The following LRPPRC variants were observed in gnomAD, a reference collection of about 807,000 sequenced individuals.
LRPPRC encodes leucine rich pentatricopeptide repeat containing.
In LRPPRC, 120 loss-of-function variants were observed where a neutral mutation model predicts 180.3. The ratio of observed to expected loss-of-function variants is 0.67; its 90% CI spans 0.57 to 0.77. The LOEUF is 0.77. Among genes scored for constraint, LRPPRC ranks in the 30% least tolerant of loss-of-function variants. The pLI is 0.00. For synonymous variants in LRPPRC, 723 were observed against 600.0 expected (o/e 1.21, Z -3.00); for missense variants, 2,012 against 1,657.2 (o/e 1.21, Z -3.72).
intron 2 of LRPPRC, 38 bp downstream of exon 2, chr2:43,982,200 C>T: frequency 1.4e-6 from 2 of 1,477,480 alleles, no homozygotes; most frequent in Non-Finnish European, 1.8e-6. Flanking sequence ...CTGTGACCAG[C>T]CAAAAGTCAA....
chr2:43,888,503 A>G lies in LRPPRC; in HGVS notation c.*97T>C, dbSNP rs1670351197. Reference sequence around the variant, plus strand: ...GCATCACACATACATAAGTACATAAAGAAAATTTTCATTTATTTTTCCCTC... The same window carrying G: ...GCATCACACATACATAAGTACATAAGGAAAATTTTCATTTATTTTTCCCTC... On this transcript the variant is annotated 3_prime_UTR_variant, in exon 38 of 38. Coordinates refer to ENST00000260665, the MANE Select transcript of LRPPRC (RefSeq NM_133259.4). 1.3e-6 allele frequency: 1 copy of G among 794,190 alleles called. No homozygotes were observed. Among genetic ancestry groups the G allele is most frequent in the Admixed American group, 1.9e-5 (1 of 51,990 alleles). The allele number at this position is 794,190 out of a possible 1,614,324, so 49.2% of individuals were successfully genotyped here. A position where few individuals can be genotyped will look rare whatever the true frequency, so the allele number is the denominator to read the frequency against.
At chr2:43,987,702 TTA>T (rs748993178) in intron 1 of LRPPRC, among the ~76,000 whole-genome samples, 4 of 152,110 alleles carry the variant, frequency 2.6e-5, no homozygotes, top group Non-Finnish European at 5.9e-5. Flanking sequence ...CAACAAATCT[TTA>T]GTTTCTCAGG....
At chr2:43,939,054 C>T (rs374377320) in intron 23 of LRPPRC, among the ~76,000 whole-genome samples, 8 of 151,160 alleles carry the variant, frequency 5.3e-5, no homozygotes, top group South Asian at 2.1e-4. Flanking sequence ...GGGTGGATCA[C>T]GCGGTCAGGA....
intron 27 of LRPPRC, among the ~76,000 whole-genome samples, chr2:43,918,846 TAGAG>T (rs560873120): frequency 1.4e-5 from 2 of 147,730 alleles, no homozygotes; most frequent in African/African-American, 5.0e-5. Flanking sequence ...TCTCTATATA[TAGAG>T]ATATATATAT....
rs543551601 is a variant in LRPPRC, at chr2:43,969,195, A to G, written c.1369+4412T>C. ...TGGGAGGCCGAGGCGGGTGGATCAC[A>G]AGGTCAGGAGATCGAGACCATTCTG... On this transcript the variant is annotated intron_variant, in intron 11 of 37. Transcript: ENST00000260665. 3.2e-4 allele frequency among the ~76,000 whole-genome samples: 49 copies of G among 152,186 alleles called. 1 individual carries two copies. The South Asian group carries it at 0.01, about 32-fold the overall frequency.
At position 43,911,242 on chromosome 2, in the gene LRPPRC, C is replaced by T. The variant is rs546651458; in HGVS notation, c.3275+1190G>A. On this transcript the variant is annotated intron_variant, in intron 30 of 37. Transcript: ENST00000260665. ...CATTAAAAACCCAACAGTCCTAGTG[C>T]GACTCTTGTATCAAGACATACAAAT... Among the ~76,000 whole-genome samples the T allele has an allele frequency of 4.0e-5, 6 of 151,626 alleles. No individual in the cohort carries two copies. In the East Asian group the frequency reaches 9.6e-4, roughly 24 times the overall value.
intron 1 of LRPPRC, among the ~76,000 whole-genome samples, chr2:43,994,865 C>G (rs1387425563): frequency 6.6e-6 from 1 of 151,880 alleles, no homozygotes; most frequent in Non-Finnish European, 1.5e-5. Flanking sequence ...ATTTATTCGC[C>G]TATCTGACAC....
intron 30 of LRPPRC, among the ~76,000 whole-genome samples, chr2:43,911,700 T>C (rs1438807293): frequency 6.6e-6 from 1 of 151,940 alleles, no homozygotes; most frequent in African/African-American, 2.4e-5. Flanking sequence ...CTAATGTTTG[T>C]ATTTTTAGTA....
In LRPPRC at chr2:43,896,668, A is replaced by G; in HGVS notation, c.3866T>C (p.Leu1289Ser). 1.2e-6 allele frequency: 2 copies of G among 1,612,886 alleles called. No individual in the cohort carries two copies. Among genetic ancestry groups the G allele is most frequent in the Non-Finnish European group, 1.7e-6 (2 of 1,178,898 alleles). ...TTTCCTAGAATTCCTAAGGAGGAACAACAACAAAATCGGGGTTTGTTCAGC... is the reference window on the plus strand; with the variant it reads ...TTTCCTAGAATTCCTAAGGAGGAACGACAACAAAATCGGGGTTTGTTCAGC... ...AIAEQTPILL[L>S]FLLRNSRKQG... The change falls in exon 35 of 38, where the codon TTG becomes TCG. Residue 1289 changes from leucine to serine, a missense_variant. Leu to Ser is a moderately radical substitution (Grantham distance 145, BLOSUM62 -2). Coordinates refer to ENST00000260665, the MANE Select transcript of LRPPRC (RefSeq NM_133259.4).
At chr2:43,955,618 T>C (rs141370919) in intron 14 of LRPPRC, among the ~76,000 whole-genome samples, 278 of 152,014 alleles carry the variant, frequency 1.8e-3, no homozygotes, top group African/African-American at 6.6e-3. Context: ...CATGCGCCCA[T>C]AGTCCCAGCT....
rs1671989010 is a variant in LRPPRC, at chr2:43,929,033, A to T, written c.2737-3072T>A. On this transcript the variant is annotated intron_variant, in intron 25 of 37. Transcript: ENST00000260665. ...AGTAAGCTACAACAAGAAAATGTTAAGGAAATTGTAAGAAAGAGAAAATAC... is the reference window on the plus strand; with the variant it reads ...AGTAAGCTACAACAAGAAAATGTTATGGAAATTGTAAGAAAGAGAAAATAC... Among the ~76,000 whole-genome samples the T allele has an allele frequency of 2.0e-5, 3 of 152,350 alleles. No homozygotes were observed. In the South Asian group the frequency reaches 6.2e-4, roughly 32 times the overall value.
At chr2:43,988,192 G>C (rs1674612565) in intron 1 of LRPPRC, among the ~76,000 whole-genome samples, 1 of 138,478 alleles carries the variant, frequency 7.2e-6, no homozygotes, top group Non-Finnish European at 1.5e-5. Flanking sequence ...AGTGAGCCAA[G>C]ATCGCCCCAC....
intron 23 of LRPPRC, among the ~76,000 whole-genome samples, chr2:43,940,606 G>C (rs559862462): frequency 1.1e-4 from 16 of 152,220 alleles, no homozygotes; most frequent in African/African-American, 3.9e-4. Flanking sequence ...AAGCTGCTTT[G>C]ATCACTTGCA....
At position 43,979,705 on chromosome 2, in the gene LRPPRC, T is replaced by C; in HGVS notation, c.469+121A>G. 5 of 795,730 alleles carry C rather than the reference T, an allele frequency of 6.3e-6. 1 individual carries two copies. Among genetic ancestry groups the C allele is most frequent in the Admixed American group, 4.7e-5 (2 of 42,242 alleles). 49.3% of individuals were successfully genotyped at this position (795,730 alleles called of 1,614,324 possible). A position where few individuals can be genotyped will look rare whatever the true frequency, so the allele number is the denominator to read the frequency against. ...TCACCAAATAAATATTATCAAAAAATTATGAATCAAGTAGCCCTTCCATAA... is the reference window on the plus strand; with the variant it reads ...TCACCAAATAAATATTATCAAAAAACTATGAATCAAGTAGCCCTTCCATAA... On this transcript the variant is annotated intron_variant, in intron 3 of 37. Coordinates refer to ENST00000260665, the MANE Select transcript of LRPPRC (RefSeq NM_133259.4).
intron 1 of LRPPRC, among the ~76,000 whole-genome samples, chr2:43,987,325 C>A (rs761197307): frequency 1.3e-5 from 2 of 151,918 alleles, no homozygotes; most frequent in African/African-American, 4.8e-5. Context: ...GAAACCCCGT[C>A]TCTAATAAGA....
chr2:43,963,931 C>A, intron 11 of LRPPRC: 1 of 573,984 alleles, frequency 1.7e-6, no homozygotes, highest in African/African-American at 1.9e-5. Flanking sequence ...AAGAAACTAT[C>A]CTTGAAATTA....
rs1007957411 is a variant in LRPPRC, at chr2:43,888,248, G to C, written c.*352C>G. The C allele has an allele frequency of 3.7e-6, 1 of 270,848 alleles. No homozygotes were observed. The highest frequency in any genetic ancestry group is 7.1e-6 in the Non-Finnish European group (1 of 140,588). The allele number at this position is 270,848 out of a possible 1,614,324, so 16.8% of individuals were successfully genotyped here. Reference sequence around the variant, plus strand: ...ATACCTAGCTCTAAAATTTTTCAGAGAAACAGCAGACTAATAAGTGAATCT... The same window carrying C: ...ATACCTAGCTCTAAAATTTTTCAGACAAACAGCAGACTAATAAGTGAATCT... On this transcript the variant is annotated 3_prime_UTR_variant, in exon 38 of 38. Coordinates refer to ENST00000260665, the MANE Select transcript of LRPPRC (RefSeq NM_133259.4).
At chr2:43,892,946 A>T (rs1670547742) in intron 36 of LRPPRC, 1 of 152,208 alleles carries the variant, frequency 6.6e-6, no homozygotes, top group South Asian at 2.1e-4. Context: ...TGTAATTGAT[A>T]GGAGGTCAAA....
Position 43,932,123 on chromosome 2 carries a change from CAAAAAAAA to C in LRPPRC, c.2736+2059_2736+2066del, listed in dbSNP as rs746600862. Among the ~76,000 whole-genome samples the C allele has an allele frequency of 2.2e-3, 45 of 20,860 alleles. No individual in the cohort carries two copies. In the South Asian group the frequency reaches 0.035, roughly 16 times the overall value. 13.7% of individuals were successfully genotyped at this position (20,860 alleles called of 152,430 possible). ...TGGCTAACAAAGCAAGACCCTGTCT[CAAAAAAAA>C]AAAAAAAAAAAAAAAAAAAAAAGAC... On this transcript the variant is annotated intron_variant, in intron 25 of 37. Transcript: ENST00000260665.
Sources: allele counts gnomAD v4.1 joint callset (sites outside exome capture counted in the v4.1 genomes callset), GRCh38; gene constraint gnomAD v4.1.1; transcripts MANE v1.5; gene names NCBI Gene and HGNC (gene_info 2026-07-23, HGNC 2026-07-21).